The following INPP5F variants were observed in gnomAD, a reference collection of about 807,000 sequenced individuals.
The protein encoded by INPP5F is inositol polyphosphate-5-phosphatase F.
INPP5F carries 97 observed loss-of-function variants against 137.2 expected under a neutral mutation model. That is an observed-to-expected ratio of 0.71 (90% CI 0.60 to 0.84). INPP5F has a LOEUF of 0.84. INPP5F is among the 40% of genes least tolerant of loss of function. The pLI is 0.00. For synonymous variants in INPP5F, 504 were observed against 476.9 expected (o/e 1.06, Z -0.74); for missense variants, 1,271 against 1,371.9 (o/e 0.93, Z 1.16).
chr10:119,791,381 T>C, intron 3 of INPP5F, 136 bp from the exon 4 acceptor site: 1 of 696,304 alleles, frequency 1.4e-6, no homozygotes, highest in Non-Finnish European at 2.5e-6. Flanking sequence ...TGCCATCAAT[T>C]GTCTACTTGA....
intron 10 of INPP5F, among the ~76,000 whole-genome samples, chr10:119,804,749 TCTCA>T (rs1280372102): frequency 4.6e-5 from 7 of 151,606 alleles, no homozygotes; most frequent in Non-Finnish European, 8.8e-5. Flanking sequence ...TAAGGACAGG[TCTCA>T]CTCTGTCGCC....
At chr10:119,784,185 C>G (rs1849799952) in intron 3 of INPP5F, among the ~76,000 whole-genome samples, 2 of 152,040 alleles carry the variant, frequency 1.3e-5, no homozygotes, top group African/African-American at 4.8e-5. Flanking sequence ...TTTTTAGAAG[C>G]TTAATCCTTT....
chr10:119,763,191 G>A (rs1216114610), intron 2 of INPP5F, among the ~76,000 whole-genome samples: 3 of 152,182 alleles, frequency 2.0e-5, no homozygotes, highest in Non-Finnish European at 2.9e-5. Flanking sequence ...CTTAAGGCTC[G>A]AGAATAATCT....
At chr10:119,822,606 A>C in intron 17 of INPP5F, 102 bp downstream of exon 17, 1 of 583,286 alleles carries the variant, frequency 1.7e-6, no homozygotes, top group Non-Finnish European at 3.0e-6. Context: ...TTTCACCTAC[A>C]AATGCTTTTC....
At chr10:119,816,620 A>G (rs897726958) in intron 15 of INPP5F, 1 of 152,250 alleles carries the variant, frequency 6.6e-6, no homozygotes, top group Non-Finnish European at 1.5e-5. Context: ...CGAGTTTGCT[A>G]TAGAACCTCT....
intron 1 of INPP5F, among the ~76,000 whole-genome samples, chr10:119,746,331 C>G (rs1220521258): frequency 6.6e-6 from 1 of 152,146 alleles, no homozygotes; most frequent in Non-Finnish European, 1.5e-5. Context: ...CCTTCCTTTT[C>G]TGTATTCCTA....
At position 119,765,864 on chromosome 10, in the gene INPP5F, AC is replaced by A. The variant is rs1564816126; in HGVS notation, c.178+14709del. On this transcript the variant is annotated intron_variant, in intron 2 of 19. Coordinates refer to ENST00000650623, the MANE Select transcript of INPP5F (RefSeq NM_014937.4). ...ATTAATCTCTCTGTATACACTATAT[AC>A]TATATATATATATATAGAGAGAGAG... Among the ~76,000 whole-genome samples the A allele has an allele frequency of 2.3e-4, 7 of 30,748 alleles. No individual in the cohort carries two copies. The East Asian group carries it at 2.9e-3, about 13-fold the overall frequency. 20.2% of individuals were successfully genotyped at this position (30,748 alleles called of 152,430 possible). A position where few individuals can be genotyped will look rare whatever the true frequency, so the allele number is the denominator to read the frequency against.
chr10:119,820,750 A>G, intron 15 of INPP5F, 96 bp from the exon 16 acceptor site: 1 of 944,930 alleles, frequency 1.1e-6, no homozygotes, highest in South Asian at 1.3e-5. Flanking sequence ...CCCCTGGCCA[A>G]TTTTTTGTCC....
At chr10:119,786,377 A>AGG (rs548561393) in intron 3 of INPP5F, among the ~76,000 whole-genome samples, 108 of 152,356 alleles carry the variant, frequency 7.1e-4, no homozygotes, top group African/African-American at 2.4e-3. Flanking sequence ...GGCTCTGTGT[A>AGG]AACAAAATAC....
chr10:119,744,390 T>C (rs1167854093), intron 1 of INPP5F, among the ~76,000 whole-genome samples: 1 of 152,216 alleles, frequency 6.6e-6, no homozygotes, highest in Non-Finnish European at 1.5e-5. Context: ...GATACACGCA[T>C]CTGCTTCTCT....
chr10:119,810,036 A>C (rs1163645261), intron 13 of INPP5F, 64 bp from the exon 14 acceptor site: 7 of 903,024 alleles, frequency 7.8e-6, no homozygotes, highest in Middle Eastern at 2.2e-4. Context: ...CTGAAAGCCC[A>C]CAATTTATTT....
chr10:119,823,379 C>A (rs535911695), intron 18 of INPP5F, among the ~76,000 whole-genome samples, 180 bp downstream of exon 18: 1 of 152,294 alleles, frequency 6.6e-6, no homozygotes, highest in South Asian at 2.1e-4. Flanking sequence ...GGGAAATTAT[C>A]TGAATGTATT....
At chr10:119,782,814 C>T (rs765493086) in intron 3 of INPP5F, among the ~76,000 whole-genome samples, 1 of 152,156 alleles carries the variant, frequency 6.6e-6, no homozygotes, top group Non-Finnish European at 1.5e-5. Context: ...GCCCTGTTAC[C>T]TGAACATCAG....
At chr10:119,821,224 T>C (rs1184788831) in intron 16 of INPP5F, among the ~76,000 whole-genome samples, 1 of 152,260 alleles carries the variant, frequency 6.6e-6, no homozygotes, top group Non-Finnish European at 1.5e-5. Context: ...TTATCACTAA[T>C]GACCACGTAT....
At chr10:119,799,284 A>T (rs1850500920) in intron 9 of INPP5F, 1 of 444,798 alleles carries the variant, frequency 2.2e-6, no homozygotes, top group East Asian at 7.1e-5. Flanking sequence ...ATGTGTAATG[A>T]ATAGGTAAAT....
intron 15 of INPP5F, chr10:119,819,535 T>C (rs1564852819): frequency 1.9e-6 from 3 of 1,601,976 alleles, no homozygotes; most frequent in South Asian, 2.2e-5. Flanking sequence ...ATTTTCAGAG[T>C]GCACGTAAGT....
intron 2 of INPP5F, among the ~76,000 whole-genome samples, chr10:119,755,896 G>A (rs1358907164): frequency 6.6e-6 from 1 of 152,152 alleles, no homozygotes; most frequent in African/African-American, 2.4e-5. Flanking sequence ...GGTGGCTCAC[G>A]CCTGTAATCC....
intron 2 of INPP5F, among the ~76,000 whole-genome samples, chr10:119,771,943 T>G (rs979759822): frequency 5.1e-4 from 64 of 125,816 alleles, no homozygotes; most frequent in African/African-American, 1.9e-3. Context: ...TTGCTCAGGC[T>G]GGAGTGCAGT....
rs1163741768 is a variant in INPP5F, at chr10:119,797,354, T to TC, written c.869-103dup. The stretch of plus-strand genomic sequence containing the variant: ...TTCTGCTTGGCAGTTGCACACTGAA[T>TC]CCCCAAGGCTATCCTGGAAGACATA... On this transcript the variant is annotated intron_variant, in intron 7 of 19. Transcript: ENST00000650623. 1.5e-5 allele frequency: 13 copies of TC among 867,422 alleles called. No individual in the cohort carries two copies. The African/African-American group carries it at 2.2e-4, about 15-fold the overall frequency. The allele number at this position is 867,422 out of a possible 1,614,324, so 53.7% of individuals were successfully genotyped here.
Sources: gnomAD v4.1 joint callset for allele counts (sites outside exome capture counted in the v4.1 genomes callset) on GRCh38, gnomAD v4.1.1 for gene constraint, MANE v1.5 for transcripts, NCBI Gene and HGNC (gene_info 2026-07-23, HGNC 2026-07-21) for gene names.